The following ADAM12 variants were observed in gnomAD, a reference collection of about 807,000 sequenced individuals.
The protein encoded by ADAM12 is ADAM metallopeptidase domain 12, also known as disintegrin and metalloproteinase domain-containing protein 12.
In ADAM12, 70 loss-of-function variants were observed where a neutral mutation model predicts 106.4. The observed-to-expected ratio is 0.66, with a 90% CI of 0.54 to 0.80. ADAM12 has a LOEUF of 0.80. Ranked by LOEUF, ADAM12 falls within the 30% of genes least tolerant of loss-of-function variation. The pLI is 0.00. For missense variants in ADAM12, 1,010 were observed against 1,171.9 expected, an observed-to-expected ratio of 0.86 and a Z score of 2.02; for synonymous variants, 420 against 433.5, an observed-to-expected ratio of 0.97 and a Z score of 0.39.
chr10:126,085,772 GCCACCCGCTCA>G (rs1417558008), intron 11 of ADAM12, among the ~76,000 whole-genome samples: 3 of 152,070 alleles, frequency 2.0e-5, no homozygotes, highest in Non-Finnish European at 2.9e-5. Flanking sequence ...CCATCATCCA[GCCACCCGCTCA>G]TGGATCCTTT....
intron 3 of ADAM12, among the ~76,000 whole-genome samples, chr10:126,180,196 G>A (rs1001445696): frequency 1.3e-5 from 2 of 152,210 alleles, no homozygotes; most frequent in Admixed American, 6.5e-5. Flanking sequence ...TATACATGAA[G>A]ATGAACGCAG....
chr10:126,270,765 C>G (rs1304952580), intron 3 of ADAM12, among the ~76,000 whole-genome samples: 1 of 152,156 alleles, frequency 6.6e-6, no homozygotes, highest in East Asian at 1.9e-4. Context: ...CATGTGTGAG[C>G]TCCTGGTAGT....
intron 2 of ADAM12, among the ~76,000 whole-genome samples, chr10:126,296,305 C>T (rs1177084062): frequency 6.6e-6 from 1 of 152,098 alleles, no homozygotes; most frequent in African/African-American, 2.4e-5. Context: ...CCATGCCTGA[C>T]TAATTTTTTA....
intron 1 of ADAM12, among the ~76,000 whole-genome samples, chr10:126,355,891 A>G (rs995996020): frequency 6.6e-6 from 1 of 152,200 alleles, no homozygotes; most frequent in Admixed American, 6.5e-5. Flanking sequence ...TGCAAAGCCA[A>G]GATGGTCACT....
At chr10:126,262,369 G>A (rs929954379) in intron 3 of ADAM12, among the ~76,000 whole-genome samples, 1 of 152,218 alleles carries the variant, frequency 6.6e-6, no homozygotes, top group Admixed American at 6.5e-5. Flanking sequence ...ATTTAGCCAA[G>A]TTTTGTCTTT....
intron 4 of ADAM12, among the ~76,000 whole-genome samples, chr10:126,136,785 A>G (rs944156148): frequency 6.6e-6 from 1 of 152,208 alleles, no homozygotes; most frequent in East Asian, 1.9e-4. Context: ...AGGCGATGAA[A>G]GGAGGGTGAT....
intron 1 of ADAM12, among the ~76,000 whole-genome samples, chr10:126,383,867 C>G (rs187892815): frequency 6.6e-6 from 1 of 152,154 alleles, no homozygotes; most frequent in Non-Finnish European, 1.5e-5. Context: ...TTGTTTGAAG[C>G]AGCAATGTAC....
chr10:126,286,154 C>T (rs895486237), intron 2 of ADAM12, among the ~76,000 whole-genome samples: 4 of 152,174 alleles, frequency 2.6e-5, no homozygotes, highest in East Asian at 1.9e-4. Context: ...CCCTGAAGGA[C>T]GGGATGACAC....
At chr10:126,279,064 C>A (rs997535613) in intron 2 of ADAM12, 76 bp from the exon 3 acceptor site, 6 of 1,116,822 alleles carry the variant, frequency 5.4e-6, no homozygotes, top group Non-Finnish European at 8.0e-6. Context: ...GACCCACAGG[C>A]GTAGTCAAAT....
chr10:126,115,651 C>A (rs905108191), intron 6 of ADAM12, among the ~76,000 whole-genome samples: 9 of 152,158 alleles, frequency 5.9e-5, no homozygotes, highest in Non-Finnish European at 1.2e-4. Context: ...GTCTGCAAAC[C>A]AGTCTTTGCA....
chr10:126,272,746 T>C, intron 3 of ADAM12: 1 of 203,662 alleles, frequency 4.9e-6, no homozygotes, highest in Non-Finnish European at 1.1e-5. Context: ...TGCTGGTCTG[T>C]GTGCTCTGAG....
chr10:126,280,992 C>G (rs1251988378), intron 2 of ADAM12, among the ~76,000 whole-genome samples: 1 of 152,140 alleles, frequency 6.6e-6, no homozygotes, highest in African/African-American at 2.4e-5. Flanking sequence ...TGTAGTGTGT[C>G]AAAGTGTTCT....
At chr10:126,266,272 G>C (rs1959095303) in intron 3 of ADAM12, among the ~76,000 whole-genome samples, 1 of 152,178 alleles carries the variant, frequency 6.6e-6, no homozygotes, top group South Asian at 2.1e-4. Flanking sequence ...AATGGAAATG[G>C]GGGTATCTAA....
intron 1 of ADAM12, among the ~76,000 whole-genome samples, chr10:126,332,707 C>T (rs750207002): frequency 2.0e-5 from 3 of 152,044 alleles, no homozygotes; most frequent in Admixed American, 6.5e-5. Context: ...GTAGAGGGAG[C>T]GCAAGACTTT....
intron 11 of ADAM12, among the ~76,000 whole-genome samples, chr10:126,073,085 C>G (rs1330886548): frequency 6.6e-6 from 1 of 152,070 alleles, no homozygotes; most frequent in East Asian, 1.9e-4. Flanking sequence ...TTTTTAATGA[C>G]CAGGTATTTA....
Position 126,036,151 on chromosome 10 carries a change from C to T in ADAM12, c.2524G>A (p.Ala842Thr), listed in dbSNP as rs1322722059. 1 of 1,462,522 alleles carries T rather than the reference C, an allele frequency of 6.8e-7. No homozygotes were observed. Among genetic ancestry groups the T allele is most frequent in the South Asian group, 1.5e-5 (1 of 67,028 alleles). The allele number at this position is 1,462,522 out of a possible 1,614,324, so 90.6% of individuals were successfully genotyped here. A position where few individuals can be genotyped will look rare whatever the true frequency, so the allele number is the denominator to read the frequency against. The part of the protein sequence containing the change: ...PLPAKPALRQ[A>T]QGTCKPNPPQ... ...TATTAGTACTGAAAGCATACCTGGG[C>T]CTGCCTAAGTGCAGGCTTGGCTGGC... Residue 842 changes from alanine to threonine, a missense_variant, in exon 21 of 23, where the codon GCC (alanine) becomes ACC (threonine). This residue lies in a region of ADAM12 where 615 missense variants were observed against 708.5 expected (regional missense o/e 0.87). Coordinates refer to ENST00000448723, the MANE Select transcript of ADAM12 (RefSeq NM_001288973.2).
rs1364124749 is a variant in ADAM12 at position 126,148,635 on chromosome 10, T to G, written c.339+6592A>C. Among the ~76,000 whole-genome samples the G allele has an allele frequency of 2.0e-5, 3 of 152,190 alleles. No homozygotes were observed. In the East Asian group the frequency reaches 5.8e-4, roughly 29 times the overall value. On this transcript the variant is annotated intron_variant, in intron 4 of 22. Transcript: ENST00000448723. ...ATAAAAGCAACATGTGCTTGATGCTTCTGGAGATTTGGGGGTGCCAATTAA... is the reference window on the plus strand; with the variant it reads ...ATAAAAGCAACATGTGCTTGATGCTGCTGGAGATTTGGGGGTGCCAATTAA...
rs1215369145 is a variant in ADAM12, at chr10:126,243,473, C to CTGTGTG, written c.260+35436_260+35441dup. 2.3e-3 allele frequency among the ~76,000 whole-genome samples: 220 copies of CTGTGTG among 97,254 alleles called. 2 individuals are homozygous for CTGTGTG. Among genetic ancestry groups the CTGTGTG allele is most frequent in the African/African-American group, 7.4e-3 (174 of 23,638 alleles). 63.8% of individuals were successfully genotyped at this position (97,254 alleles called of 152,430 possible). ...CTGTGTAGACCAGTGGGGAGCAACT[C>CTGTGTG]TGTGTGTGTGAGTGTATGTGTGTGT... On this transcript the variant is annotated intron_variant, in intron 3 of 22. Transcript: ENST00000448723.
chr10:126,120,817 G>A lies in ADAM12; in HGVS notation c.417-2593C>T, dbSNP rs112445309. Among the ~76,000 whole-genome samples, 326 of 148,358 alleles carry A rather than the reference G, an allele frequency of 2.2e-3. 3 individuals carry two copies. The highest frequency in any genetic ancestry group is 3.9e-3 in the Non-Finnish European group (260 of 67,510). On this transcript the variant is annotated intron_variant, in intron 5 of 22. Coordinates refer to ENST00000448723, the MANE Select transcript of ADAM12 (RefSeq NM_001288973.2). ...GCAGATTATTTTAGCAAATTCAGGA[G>A]TGAGGATAAGGTCTATGTAAATGGA... is the stretch of plus-strand genomic sequence containing the variant.
Sources: allele counts gnomAD v4.1 joint callset (sites outside exome capture counted in the v4.1 genomes callset), GRCh38; gene constraint gnomAD v4.1.1; regional missense constraint gnomAD v4.1.1; transcripts MANE v1.5; gene names NCBI Gene and HGNC (gene_info 2026-07-23, HGNC 2026-07-21).